Variants in SLC38A9 observed in about 807,000 individuals in gnomAD.
SLC38A9 encodes the protein solute carrier family 38 member 9, also known as neutral amino acid transporter 9.
SLC38A9 carries 48 observed loss-of-function variants against 62.3 expected under a neutral mutation model. That is an observed-to-expected ratio of 0.77 (90% CI 0.61 to 0.98). The LOEUF (loss-of-function observed/expected upper bound fraction) is 0.98. Ranked by LOEUF, SLC38A9 falls within the 50% of genes least tolerant of loss-of-function variation. The probability of loss-of-function intolerance (pLI) is 0.00; values close to 1 mark genes in which losing one functional copy is unlikely to be tolerated. For synonymous variants in SLC38A9, 204 were observed against 227.7 expected, an observed-to-expected ratio of 0.90 and a Z score of 0.94; for missense variants, 541 against 679.8, an observed-to-expected ratio of 0.80 and a Z score of 2.27.
chr5:55,690,597 T>C (rs567857755), intron 3 of SLC38A9, among the ~76,000 whole-genome samples: 1 of 152,346 alleles, frequency 6.6e-6, no homozygotes, highest in African/African-American at 2.4e-5. Flanking sequence ...CCACCCCTCC[T>C]GGGAAAACTA....
At position 55,669,584 on chromosome 5, in the gene SLC38A9, T is replaced by C; in HGVS notation, c.405A>G (p.Ile135Met). 1 of 1,610,702 alleles carries C rather than the reference T, an allele frequency of 6.2e-7. No individual in the cohort carries two copies. Among genetic ancestry groups the C allele is most frequent in the Non-Finnish European group, 8.5e-7 (1 of 1,177,822 alleles). Residue 135 changes from isoleucine to methionine, a missense_variant, in exon 6 of 16, where the codon ATA (isoleucine) becomes ATG (methionine). By Grantham distance (10) the Ile-to-Met change is conservative (BLOSUM62 1). Coordinates refer to ENST00000396865, the MANE Select transcript of SLC38A9 (RefSeq NM_173514.4). ...MIWNTMMGTS[I>M]LSIPWGIKQA... ...GTTTTATGCCCCAAGGAATGCTTAG[T>C]ATAGATGTTCCCATCATGGTATTCC...
intron 3 of SLC38A9, chr5:55,691,410 C>G (rs1754721800): frequency 8.1e-7 from 1 of 1,229,012 alleles, no homozygotes; most frequent in African/African-American, 1.5e-5. Flanking sequence ...TAATACTGGG[C>G]ATACAGAGAA....
intron 12 of SLC38A9, among the ~76,000 whole-genome samples, chr5:55,645,493 C>A (rs1277166193): frequency 2.6e-5 from 4 of 152,186 alleles, no homozygotes; most frequent in Non-Finnish European, 5.9e-5. Flanking sequence ...TAAACAGTTT[C>A]ATTGAAACAA....
At position 55,710,518 on chromosome 5, in the gene SLC38A9, AT is replaced by A. The variant is rs1757881875; in HGVS notation, c.-35+933del. Among the ~76,000 whole-genome samples, 5 of 152,188 alleles carry A rather than the reference AT, an allele frequency of 3.3e-5. No individual in the cohort carries two copies. In the South Asian group the frequency reaches 1.0e-3, roughly 32 times the overall value. ...GCCACCGCAATCCGCCGAACCTTCT[AT>A]CTTAACACGAAGTTTGTAGTTGTTT... On this transcript the variant is annotated intron_variant, in intron 2 of 15. Coordinates refer to ENST00000396865, the MANE Select transcript of SLC38A9 (RefSeq NM_173514.4).
chr5:55,710,284 C>T lies in SLC38A9; in HGVS notation c.-35+1168G>A, dbSNP rs1218919033. Among the ~76,000 whole-genome samples the T allele has an allele frequency of 2.0e-5, 3 of 150,870 alleles. No individual in the cohort carries two copies. The East Asian group carries it at 6.0e-4, about 30-fold the overall frequency. ...GTGGTGCAGTCTTGGCTCACTGCAA[C>T]CTCCGCCTGCCGGGCTCAAGCAATT... On this transcript the variant is annotated intron_variant, in intron 2 of 15. Transcript: ENST00000396865.
At chr5:55,695,039 C>T (rs985545107) in intron 3 of SLC38A9, among the ~76,000 whole-genome samples, 1 of 152,152 alleles carries the variant, frequency 6.6e-6, no homozygotes, top group Admixed American at 6.6e-5. Flanking sequence ...AGGCATGAGC[C>T]ACCGTGCGTG....
intron 2 of SLC38A9, among the ~76,000 whole-genome samples, chr5:55,704,918 T>C (rs1757097306): frequency 6.6e-6 from 1 of 152,168 alleles, no homozygotes; most frequent in Non-Finnish European, 1.5e-5. Flanking sequence ...ATACTAGTCT[T>C]ACAGGGTTTC....
chr5:55,708,623 A>G (rs780865008), intron 2 of SLC38A9, among the ~76,000 whole-genome samples: 4 of 152,218 alleles, frequency 2.6e-5, no homozygotes. Context: ...CAACTATTAT[A>G]TATGTTCTTT....
intron 3 of SLC38A9, among the ~76,000 whole-genome samples, chr5:55,695,555 C>T (rs1415303371): frequency 1.9e-5 from 2 of 103,106 alleles, no homozygotes; most frequent in African/African-American, 3.2e-5. Context: ...GTGGACACAG[C>T]ACATGTTTCA....
At chr5:55,636,454 G>A (rs57936260) in intron 12 of SLC38A9, among the ~76,000 whole-genome samples, 7,451 of 152,250 alleles carry the variant, frequency 0.049, 315 homozygotes, top group African/African-American at 0.12. Flanking sequence ...CATCACCACT[G>A]AAGTTATGGC....
intron 4 of SLC38A9, among the ~76,000 whole-genome samples, chr5:55,670,985 G>A (rs1751211533): frequency 6.6e-6 from 1 of 152,178 alleles, no homozygotes; most frequent in South Asian, 2.1e-4. Flanking sequence ...CATAGCTATT[G>A]TTTAGGCTTA....
rs1426866065 is a variant in SLC38A9 at position 55,664,747 on chromosome 5, C to G, written c.643G>C (p.Val215Leu). 1 of 1,579,922 alleles carries G rather than the reference C, an allele frequency of 6.3e-7. No individual in the cohort carries two copies. The highest frequency in any genetic ancestry group is 1.4e-5 in the African/African-American group (1 of 72,748). The change falls in exon 8 of 16, where the codon GTT (valine) becomes CTT (leucine). Residue 215 changes from valine to leucine, a missense_variant. Transcript: ENST00000396865. ...SLVSLIGAMI[V>L]YWVLMSNFLF... ...AAATTTGACATAAGCACCCAATAAACTATCATTGCTCCAATGAGAGACACC... is the reference window on the plus strand; with the variant it reads ...AAATTTGACATAAGCACCCAATAAAGTATCATTGCTCCAATGAGAGACACC...
chr5:55,686,414 T>G (rs1473245661), intron 3 of SLC38A9, among the ~76,000 whole-genome samples: 1 of 94,368 alleles, frequency 1.1e-5, no homozygotes, highest in African/African-American at 3.2e-5. Flanking sequence ...GTTGGCTGCA[T>G]ATATGTCTTC....
intron 8 of SLC38A9, among the ~76,000 whole-genome samples, chr5:55,659,231 T>C (rs1022293442): frequency 1.3e-5 from 2 of 150,342 alleles, no homozygotes; most frequent in African/African-American, 5.0e-5. Context: ...ACCGCTTCAA[T>C]GCAACTTCAC....
At chr5:55,666,984 C>T (rs1238837393) in intron 7 of SLC38A9, among the ~76,000 whole-genome samples, 1 of 150,296 alleles carries the variant, frequency 6.7e-6, no homozygotes, top group Non-Finnish European at 1.5e-5. Context: ...CACTGCACTC[C>T]AGCCTGGGTG....
At chr5:55,631,578 C>T (rs1743457350) in intron 14 of SLC38A9, among the ~76,000 whole-genome samples, 2 of 152,162 alleles carry the variant, frequency 1.3e-5, no homozygotes, top group Non-Finnish European at 2.9e-5. Context: ...CTCCAATCTT[C>T]TGGATAATAA....
chr5:55,655,824 G>T (rs1748311362), intron 9 of SLC38A9, among the ~76,000 whole-genome samples: 1 of 152,066 alleles, frequency 6.6e-6, no homozygotes, highest in Non-Finnish European at 1.5e-5. Context: ...AGCTTTAGGT[G>T]ATGTTCAAGT....
chr5:55,669,931 G>C (rs1342771225), intron 4 of SLC38A9, 52 bp from the exon 5 acceptor site: 2 of 1,538,148 alleles, frequency 1.3e-6, no homozygotes, highest in Non-Finnish European at 1.8e-6. Context: ...TGCAAAATAG[G>C]ATATTTGTTA....
intron 15 of SLC38A9, 86 bp from the exon 16 acceptor site, chr5:55,626,745 C>A: frequency 8.1e-7 from 1 of 1,229,480 alleles, no homozygotes; most frequent in South Asian, 2.4e-5. Flanking sequence ...TTTAAATCCT[C>A]CTCAGTCTGA....
Sources: allele counts gnomAD v4.1 joint callset (sites outside exome capture counted in the v4.1 genomes callset), GRCh38; gene constraint gnomAD v4.1.1; transcripts MANE v1.5; gene names NCBI Gene and HGNC (gene_info 2026-07-23, HGNC 2026-07-21).